GPC5: variants seen among roughly 807,000 people sequenced by gnomAD.
GPC5 encodes glypican-5.
GPC5 carries 47 observed loss-of-function variants against 53.9 expected under a neutral mutation model. The ratio of observed to expected loss-of-function variants is 0.87; its 90% CI spans 0.69 to 1.11. The LOEUF (loss-of-function observed/expected upper bound fraction) is 1.11, where lower values mean the gene tolerates loss of function less well. GPC5 is among the 50% of genes most tolerant of loss of function. GPC5 has a pLI of 0.00. For missense variants in GPC5, 748 were observed against 713.1 expected (o/e 1.05, Z -0.56); for synonymous variants, 286 against 263.3 (o/e 1.09, Z -0.84).
At chr13:92,286,978 C>T (rs764148609) in intron 7 of GPC5, among the ~76,000 whole-genome samples, 44 of 152,058 alleles carry the variant, frequency 2.9e-4, no homozygotes, top group East Asian at 5.8e-4. Context: ...TGCAAGCCAA[C>T]GCTAGAGGCC....
At chr13:92,181,443 T>C (rs1217906832) in intron 7 of GPC5, among the ~76,000 whole-genome samples, 1 of 152,224 alleles carries the variant, frequency 6.6e-6, no homozygotes, top group African/African-American at 2.4e-5. Flanking sequence ...TGCTAGATAA[T>C]TAATGCTTTG....
intron 2 of GPC5, among the ~76,000 whole-genome samples, chr13:91,549,224 A>T (rs550314649): frequency 2.0e-5 from 3 of 151,532 alleles, no homozygotes; most frequent in Non-Finnish European, 4.4e-5. Flanking sequence ...AGCCAAAATC[A>T]TGCCATTGTA....
intron 6 of GPC5, among the ~76,000 whole-genome samples, chr13:91,910,598 T>C (rs549804016): frequency 6.6e-6 from 1 of 152,338 alleles, no homozygotes; most frequent in South Asian, 2.1e-4. Flanking sequence ...ATTGCCTGCA[T>C]ACACTCACCC....
intron 1 of GPC5, among the ~76,000 whole-genome samples, chr13:91,409,096 CT>C: frequency 6.6e-6 from 1 of 152,198 alleles, no homozygotes; most frequent in East Asian, 1.9e-4. Context: ...TTTATTTGCT[CT>C]TTGAATAACT....
At chr13:92,826,649 G>A (rs1463876223) in intron 7 of GPC5, among the ~76,000 whole-genome samples, 1 of 152,084 alleles carries the variant, frequency 6.6e-6, no homozygotes. Context: ...CAGAATTTTG[G>A]GGTCATTAGG....
chr13:91,484,427 C>T (rs1883479339), intron 2 of GPC5, among the ~76,000 whole-genome samples: 1 of 152,164 alleles, frequency 6.6e-6, no homozygotes, highest in Non-Finnish European at 1.5e-5. Context: ...GAGCCAAGCT[C>T]TACCCTAATC....
chr13:92,249,519 C>G (rs764830644), intron 7 of GPC5, among the ~76,000 whole-genome samples: 1 of 152,110 alleles, frequency 6.6e-6, no homozygotes, highest in Non-Finnish European at 1.5e-5. Context: ...TCAGAACTGG[C>G]TAAGAATTTA....
At chr13:92,593,204 G>GA (rs143247942) in intron 7 of GPC5, among the ~76,000 whole-genome samples, 3,388 of 150,998 alleles carry the variant, frequency 0.022, 147 homozygotes, top group African/African-American at 0.065. Context: ...TGACTGTAGA[G>GA]AAAAAAAGGG....
intron 2 of GPC5, among the ~76,000 whole-genome samples, chr13:91,622,372 T>C (rs2033884801): frequency 6.6e-6 from 1 of 152,178 alleles, no homozygotes; most frequent in East Asian, 1.9e-4. Context: ...TCTTAACATC[T>C]GTAAGATATA....
chr13:92,537,070 T>G (rs1419214854), intron 7 of GPC5, among the ~76,000 whole-genome samples: 1 of 152,134 alleles, frequency 6.6e-6, no homozygotes, highest in Non-Finnish European at 1.5e-5. Flanking sequence ...TTCTAAGAAC[T>G]GTTACCACAT....
rs1285496618 is a variant in GPC5, at chr13:92,595,051, T to TA, written c.1562-271228dup. ...ATATTTGATGGCATATACATTTTTT[T>TA]AAATCTCAGTTTTCCAAATCATTAC... On this transcript the variant is annotated intron_variant, in intron 7 of 7. Coordinates refer to ENST00000377067, the MANE Select transcript of GPC5 (RefSeq NM_004466.6). 2.6e-5 allele frequency among the ~76,000 whole-genome samples: 4 copies of TA among 152,334 alleles called. No individual in the cohort carries two copies. In the South Asian group the frequency reaches 8.3e-4, roughly 32 times the overall value.
intron 6 of GPC5, among the ~76,000 whole-genome samples, chr13:92,105,417 C>T (rs1337560279): frequency 6.6e-6 from 1 of 152,100 alleles, no homozygotes; most frequent in East Asian, 1.9e-4. Flanking sequence ...TTAACTTTCA[C>T]ACTTTCATTT....
intron 2 of GPC5, among the ~76,000 whole-genome samples, chr13:91,625,286 A>G (rs1032735316): frequency 6.6e-6 from 1 of 152,050 alleles, no homozygotes; most frequent in African/African-American, 2.4e-5. Context: ...ACAGGAGTTA[A>G]GAAGACCTGA....
At chr13:92,597,565 TC>T (rs372707738) in intron 7 of GPC5, among the ~76,000 whole-genome samples, 1 of 151,566 alleles carries the variant, frequency 6.6e-6, no homozygotes, top group African/African-American at 2.4e-5. Context: ...AATCAGGCTC[TC>T]CCCCTTTTCA....
chr13:91,675,025 A>G (rs932792190), intron 2 of GPC5, among the ~76,000 whole-genome samples: 6 of 152,014 alleles, frequency 3.9e-5, no homozygotes, highest in African/African-American at 1.4e-4. Flanking sequence ...ATCAGAGATC[A>G]TTAACGTGTT....
chr13:92,005,330 GACTAGAAGCTGAAA>G (rs2138762237), intron 6 of GPC5, among the ~76,000 whole-genome samples: 1 of 152,186 alleles, frequency 6.6e-6, no homozygotes, highest in African/African-American at 2.4e-5. Flanking sequence ...AATCTGTTGT[GACTAGAAGCTGAAA>G]ACTCACTCTG....
At position 92,676,916 on chromosome 13, in the gene GPC5, TACAC is replaced by T. The variant is rs34267880; in HGVS notation, c.1562-189354_1562-189351del. On this transcript the variant is annotated intron_variant, in intron 7 of 7. Transcript: ENST00000377067. Reference sequence around the variant, plus strand: ...AGGAGGAGGATCATGGGGTTAAAAATACACACACACACACAAATGTAAATTAATT... The same window carrying T: ...AGGAGGAGGATCATGGGGTTAAAAATACACACACACAAATGTAAATTAATT... Among the ~76,000 whole-genome samples, 4 of 151,270 alleles carry T rather than the reference TACAC, an allele frequency of 2.6e-5. No homozygotes were observed. In the South Asian group the frequency reaches 8.4e-4, roughly 32 times the overall value.
At chr13:92,297,172 G>C (rs1428503965) in intron 7 of GPC5, among the ~76,000 whole-genome samples, 1 of 152,242 alleles carries the variant, frequency 6.6e-6, no homozygotes, top group Non-Finnish European at 1.5e-5. Context: ...GTAGCTCAGG[G>C]ATTGTAAACA....
chr13:91,842,633 C>T (rs1393402229), intron 5 of GPC5, among the ~76,000 whole-genome samples: 2 of 122,360 alleles, frequency 1.6e-5, no homozygotes, highest in South Asian at 3.3e-4. Flanking sequence ...ACCTGGGAGG[C>T]GGAGCTTGCA....
Sources: gnomAD v4.1 joint callset for allele counts (sites outside exome capture counted in the v4.1 genomes callset) on GRCh38, gnomAD v4.1.1 for gene constraint, MANE v1.5 for transcripts, NCBI Gene and HGNC (gene_info 2026-07-23, HGNC 2026-07-21) for gene names.